Variants in IRAK1BP1 observed in about 807,000 individuals in gnomAD.
IRAK1BP1 encodes the protein interleukin-1 receptor-associated kinase 1-binding protein 1.
Under a neutral mutation model 28.0 loss-of-function variants are expected in IRAK1BP1, and 24 were observed. The observed-to-expected ratio is 0.86, with a 90% CI of 0.62 to 1.20. The LOEUF (loss-of-function observed/expected upper bound fraction) is 1.20. Among genes scored for constraint, IRAK1BP1 ranks in the 50% most tolerant of loss-of-function variants. The pLI, the probability that IRAK1BP1 is intolerant of heterozygous loss-of-function variation, is 0.00. For missense variants in IRAK1BP1, 336 were observed against 316.7 expected, an observed-to-expected ratio of 1.06 and a Z score of -0.46; for synonymous variants, 131 against 116.3, an observed-to-expected ratio of 1.13 and a Z score of -0.81.
At chr6:78,941,006 C>T (rs1277580712) in intron 4 of IRAK1BP1, 1 of 1,613,808 alleles carries the variant, frequency 6.2e-7, no homozygotes, top group Non-Finnish European at 8.5e-7. Flanking sequence ...CTTCATCTTC[C>T]TTTTGGGCTT....
chr6:78,884,799 C>T (rs993317948), intron 1 of IRAK1BP1, among the ~76,000 whole-genome samples: 3 of 152,074 alleles, frequency 2.0e-5, no homozygotes, highest in Non-Finnish European at 4.4e-5. Flanking sequence ...TGACACTCAA[C>T]ATTAAGTATA....
At chr6:78,977,486 T>C in the IRAK1BP1 span, among the ~76,000 whole-genome samples, 1 of 152,092 alleles carries the variant, frequency 6.6e-6, no homozygotes, top group Non-Finnish European at 1.5e-5. Context: ...GTAACTAACC[T>C]GCACAATGTA....
intron 1 of IRAK1BP1, among the ~76,000 whole-genome samples, chr6:78,870,109 CAAAAAAAAAAAAAAA>C (rs70977749): frequency 3.4e-4 from 14 of 41,562 alleles, no homozygotes; most frequent in African/African-American, 9.6e-4. Context: ...AACTCCGTCC[CAAAAAAAAAAAAAAA>C]AAAAAAAAAA....
intron 4 of IRAK1BP1, among the ~76,000 whole-genome samples, chr6:78,930,951 A>T (rs1414626475): frequency 3.4e-5 from 2 of 58,924 alleles, no homozygotes; most frequent in African/African-American, 1.3e-4. Context: ...AAAAATAAAA[A>T]ATAAAAATAA....
At chr6:78,955,209 TG>T in the IRAK1BP1 span, 2 of 1,537,350 alleles carry the variant, frequency 1.3e-6, no homozygotes, top group Non-Finnish European at 8.9e-7. Flanking sequence ...AAAGTACTTC[TG>T]CTAAAACTAA....
intron 1 of IRAK1BP1, among the ~76,000 whole-genome samples, chr6:78,876,214 ACTCT>A (rs964316142): frequency 6.7e-6 from 1 of 149,578 alleles, no homozygotes; most frequent in South Asian, 2.1e-4. Flanking sequence ...ACACTTTATC[ACTCT>A]CTCTCTCTCT....
At chr6:78,930,290 G>C (rs1208646996) in intron 4 of IRAK1BP1, among the ~76,000 whole-genome samples, 3 of 151,942 alleles carry the variant, frequency 2.0e-5, no homozygotes, top group Non-Finnish European at 2.9e-5. Context: ...AGATCCTCAG[G>C]TATCTTAAAA....
intron 4 of IRAK1BP1, among the ~76,000 whole-genome samples, chr6:78,917,356 C>G (rs1188339368): frequency 6.6e-6 from 1 of 151,712 alleles, no homozygotes; most frequent in Non-Finnish European, 1.5e-5. Flanking sequence ...TCAAATTAGC[C>G]AGACAAAAGT....
chr6:78,939,700 T>C (rs978735053), intron 4 of IRAK1BP1: 21 of 151,986 alleles, frequency 1.4e-4, no homozygotes, highest in African/African-American at 2.4e-5. Context: ...AGAAATGACA[T>C]TAATCCAGAT....
At chr6:78,920,070 A>G (rs771795647) in intron 4 of IRAK1BP1, among the ~76,000 whole-genome samples, 1 of 152,136 alleles carries the variant, frequency 6.6e-6, no homozygotes, top group East Asian at 1.9e-4. Flanking sequence ...CCTGGCCAAC[A>G]TGGTGAAACC....
At chr6:78,934,164 C>T (rs966769737) in intron 4 of IRAK1BP1, among the ~76,000 whole-genome samples, 4 of 152,168 alleles carry the variant, frequency 2.6e-5, no homozygotes, top group Non-Finnish European at 5.9e-5. Flanking sequence ...TCAGAACACA[C>T]AGAACATGTA....
chr6:78,957,607 T>C, the IRAK1BP1 span: 1 of 150,958 alleles, frequency 6.6e-6, no homozygotes, highest in Non-Finnish European at 1.5e-5. Context: ...TGAATAATCC[T>C]GAATTTTTCA....
In IRAK1BP1 at chr6:78,900,525, A is replaced by T. The variant is rs538690301; in HGVS notation, c.*2191A>T. 1 of 152,278 alleles carries T rather than the reference A, an allele frequency of 6.6e-6. No homozygotes were observed. The highest frequency in any genetic ancestry group is 2.4e-5 in the African/African-American group (1 of 41,550). 9.4% of individuals were successfully genotyped at this position (152,278 alleles called of 1,614,324 possible). On this transcript the variant is annotated 3_prime_UTR_variant, in exon 4 of 4. Transcript: ENST00000369940. The stretch of plus-strand genomic sequence containing the variant: ...CTAAGAAGAGTTTGAGTTCAACACC[A>T]TTATATCCAAATCCTGACCTTACTA...
intron 4 of IRAK1BP1, among the ~76,000 whole-genome samples, chr6:78,924,543 G>A (rs1253674467): frequency 6.6e-6 from 1 of 152,174 alleles, no homozygotes; most frequent in African/African-American, 2.4e-5. Flanking sequence ...TAGAAAAAGA[G>A]GGAATCCTCC....
rs571699181 is a variant in IRAK1BP1, at chr6:78,876,619, A to G, written c.315+8728A>G. 1.1e-3 allele frequency among the ~76,000 whole-genome samples: 164 copies of G among 152,214 alleles called. 1 individual carries two copies. The highest frequency in any genetic ancestry group is 3.8e-3 in the African/African-American group (158 of 41,524). The stretch of plus-strand genomic sequence containing the variant: ...GTTGTTGTTGGGGGCTGTCCTGTGC[A>G]TTGTAGGATATTTAACAGCATTCCT... On this transcript the variant is annotated intron_variant, in intron 1 of 3. Coordinates refer to ENST00000369940, the MANE Select transcript of IRAK1BP1 (RefSeq NM_001010844.4).
At position 78,869,938 on chromosome 6, in the gene IRAK1BP1, G is replaced by A. The variant is rs549079862; in HGVS notation, c.315+2047G>A. ...AGCCTGACCAACATGGTGAAATCTC[G>A]TCTCTACTAAAAATACCAAAATTAG... On this transcript the variant is annotated intron_variant, in intron 1 of 3. Coordinates refer to ENST00000369940, the MANE Select transcript of IRAK1BP1 (RefSeq NM_001010844.4). Among the ~76,000 whole-genome samples, 12 of 151,762 alleles carry A rather than the reference G, an allele frequency of 7.9e-5. No individual in the cohort carries two copies. In the South Asian group the frequency reaches 1.0e-3, roughly 13 times the overall value.
the IRAK1BP1 span, chr6:78,965,638 T>C: frequency 4.4e-6 from 4 of 904,044 alleles, no homozygotes; most frequent in Admixed American, 8.8e-5. Context: ...TGTTAGCAAA[T>C]CTTAAATAAT....
chr6:78,913,293 C>T (rs1772474750), intron 4 of IRAK1BP1, among the ~76,000 whole-genome samples: 1 of 151,666 alleles, frequency 6.6e-6, no homozygotes, highest in South Asian at 2.1e-4. Context: ...TGAGATCACA[C>T]CACTGCACTC....
the IRAK1BP1 span, chr6:78,961,566 T>C: frequency 1.2e-6 from 1 of 851,410 alleles, no homozygotes; most frequent in Non-Finnish European, 1.8e-6. Flanking sequence ...CATTTTAACA[T>C]AATCCCCATA....
Sources: allele counts gnomAD v4.1 joint callset (sites outside exome capture counted in the v4.1 genomes callset), GRCh38; gene constraint gnomAD v4.1.1; transcripts MANE v1.5; gene names NCBI Gene and HGNC (gene_info 2026-07-23, HGNC 2026-07-21).